Variants in CDH13 observed in about 807,000 individuals in gnomAD.
CDH13 encodes the protein cadherin 13.
Under a neutral mutation model 63.8 loss-of-function variants are expected in CDH13, and 24 were observed. The ratio of observed to expected loss-of-function variants is 0.38; its 90% confidence interval spans 0.27 to 0.53. CDH13 has a LOEUF of 0.53. Among genes scored for constraint, CDH13 ranks in the 20% least tolerant of loss-of-function variants. The pLI is 0.85. For synonymous variants in CDH13, 503 were observed against 355.3 expected, an observed-to-expected ratio of 1.42 and a Z score of -4.67; for missense variants, 1,049 against 903.1, an observed-to-expected ratio of 1.16 and a Z score of -2.07.
chr16:83,035,085 C>CA (rs1328131857), intron 3 of CDH13, among the ~76,000 whole-genome samples: 1 of 138,016 alleles, frequency 7.2e-6, no homozygotes, highest in Non-Finnish European at 1.5e-5. Flanking sequence ...AAAAACGCCT[C>CA]AAAAAAGGAA....
chr16:83,651,330 A>T (rs578054982), intron 8 of CDH13, among the ~76,000 whole-genome samples: 7 of 152,228 alleles, frequency 4.6e-5, no homozygotes, highest in Non-Finnish European at 7.4e-5. Flanking sequence ...TATGTATTTT[A>T]TTTATCCATT....
chr16:82,715,604 T>G (rs2032308509), intron 1 of CDH13, among the ~76,000 whole-genome samples: 1 of 152,106 alleles, frequency 6.6e-6, no homozygotes, highest in African/African-American at 2.4e-5. Context: ...CAAACAGGAA[T>G]TTCTATATTT....
At chr16:82,994,009 C>T (rs1000573324) in intron 2 of CDH13, among the ~76,000 whole-genome samples, 2 of 152,108 alleles carry the variant, frequency 1.3e-5, no homozygotes, top group South Asian at 2.1e-4. Context: ...TTTTCAGGAA[C>T]GGAAATGTCT....
At chr16:83,543,964 A>C (rs2075338430) in intron 7 of CDH13, among the ~76,000 whole-genome samples, 1 of 152,222 alleles carries the variant, frequency 6.6e-6, no homozygotes, top group African/African-American at 2.4e-5. Flanking sequence ...CAGGAGTGCC[A>C]GGGAGAACAC....
At position 83,779,993 on chromosome 16, in the gene CDH13, G is replaced by A. The variant is rs759328015; in HGVS notation, c.1707G>A (p.Gly569=). The change falls in exon 12 of 14, where the codon GGG becomes GGA. Residue 569 remains glycine, a synonymous_variant. Transcript: ENST00000567109. ...GCAACCCTCCCGCTACGGGCACTGG[G>A]ACTTTGCTGATAACCCTGGAGGACG... ...DSGNPPATGT[G]TLLITLEDVN... is the part of the protein sequence containing the mutation. The A allele has an allele frequency of 7.4e-6, 12 of 1,612,296 alleles. No homozygotes were observed. Among genetic ancestry groups the A allele is most frequent in the Non-Finnish European group, 9.3e-6 (11 of 1,178,428 alleles).
In CDH13 at chr16:83,361,960, A is replaced by C. The variant is rs376709963; in HGVS notation, c.781+16954A>C. On this transcript the variant is annotated intron_variant, in intron 6 of 13. Transcript: ENST00000567109. ...TAATAGTTTTTCTAATTCTATCAAA[A>C]ATGATCTTGGTAGTTTGATAGGAAT... Among the ~76,000 whole-genome samples the C allele has an allele frequency of 1.1e-4, 16 of 152,276 alleles. No individual in the cohort carries two copies. The South Asian group carries it at 2.3e-3, about 22-fold the overall frequency.
At chr16:82,850,772 A>C (rs565860116) in intron 1 of CDH13, among the ~76,000 whole-genome samples, 2 of 152,344 alleles carry the variant, frequency 1.3e-5, no homozygotes, top group African/African-American at 4.8e-5. Flanking sequence ...AGCAGCCACC[A>C]AAATGGAGGC....
At position 82,959,799 on chromosome 16, in the gene CDH13, C is replaced by G. The variant is rs571308074; in HGVS notation, c.158-72211C>G. ...CCACACGGTTGTTGTTGTTTTTAAC[C>G]CTCTACCTGCTGAAAGACATCTGGT... On this transcript the variant is annotated intron_variant, in intron 2 of 13. Transcript: ENST00000567109. Among the ~76,000 whole-genome samples the G allele has an allele frequency of 9.5e-4, 144 of 152,198 alleles. 1 individual carries two copies. The highest frequency in any genetic ancestry group is 3.4e-3 in the African/African-American group (140 of 41,516).
intron 4 of CDH13, among the ~76,000 whole-genome samples, chr16:83,125,857 A>G (rs1405108590): frequency 6.6e-6 from 1 of 152,158 alleles, no homozygotes; most frequent in African/African-American, 2.4e-5. Flanking sequence ...TGTGGCCTTC[A>G]CTGAGATCCT....
chr16:82,856,282 G>A (rs1422369875), intron 1 of CDH13, among the ~76,000 whole-genome samples: 3 of 151,384 alleles, frequency 2.0e-5, no homozygotes, highest in African/African-American at 4.9e-5. Context: ...AGGCTGAGGC[G>A]GGAGAATGGC....
chr16:83,532,692 C>T (rs1373840542), intron 7 of CDH13, among the ~76,000 whole-genome samples: 1 of 152,196 alleles, frequency 6.6e-6, no homozygotes. Flanking sequence ...ATGCCTGGTG[C>T]CTTGTAAGTT....
At chr16:83,056,817 G>C (rs1368344910) in intron 3 of CDH13, among the ~76,000 whole-genome samples, 2 of 151,516 alleles carry the variant, frequency 1.3e-5, no homozygotes, top group Non-Finnish European at 2.9e-5. Context: ...GAGATTTGAT[G>C]GTTTTATAGA....
At chr16:83,632,268 ACG>A (rs1910842628) in intron 8 of CDH13, among the ~76,000 whole-genome samples, 8 of 22,204 alleles carry the variant, frequency 3.6e-4, no homozygotes, top group Admixed American at 3.5e-3. Flanking sequence ...CACTGTAGAG[ACG>A]TGTCCTACAG....
chr16:83,560,195 G>C (rs1465311329), intron 7 of CDH13, among the ~76,000 whole-genome samples: 1 of 152,198 alleles, frequency 6.6e-6, no homozygotes, highest in Non-Finnish European at 1.5e-5. Context: ...CTCTCACAGA[G>C]TTTGGAATAT....
intron 10 of CDH13, among the ~76,000 whole-genome samples, chr16:83,716,344 G>A (rs1435449011): frequency 1.3e-5 from 2 of 152,298 alleles, no homozygotes; most frequent in East Asian, 3.9e-4. Flanking sequence ...TTGGGCAAAT[G>A]TATAACAGCA....
intron 6 of CDH13, among the ~76,000 whole-genome samples, chr16:83,444,798 G>A (rs1015110985): frequency 2.9e-3 from 1 of 344 alleles, no homozygotes; most frequent in Non-Finnish European, 0.023. Context: ...TGTTCGAAAT[G>A]AAAATATTCT....
intron 6 of CDH13, among the ~76,000 whole-genome samples, chr16:83,476,443 T>G (rs1285538016): frequency 6.6e-6 from 1 of 152,174 alleles, no homozygotes; most frequent in Non-Finnish European, 1.5e-5. Flanking sequence ...GAGGCCAAGG[T>G]GGGCAGATCA....
chr16:82,774,118 T>A (rs2035384164), intron 1 of CDH13, among the ~76,000 whole-genome samples: 1 of 148,692 alleles, frequency 6.7e-6, no homozygotes, highest in Admixed American at 6.7e-5. Flanking sequence ...TACTCATCAT[T>A]GGAATTCTCT....
chr16:82,884,372 G>A (rs949449063), intron 2 of CDH13: 1 of 354,116 alleles, frequency 2.8e-6, no homozygotes, highest in East Asian at 7.3e-5. Flanking sequence ...CTAACCAGGA[G>A]AGCTGACAAG....
Sources: allele counts gnomAD v4.1 joint callset (sites outside exome capture counted in the v4.1 genomes callset), GRCh38; gene constraint gnomAD v4.1.1; transcripts MANE v1.5; gene names NCBI Gene and HGNC (gene_info 2026-07-23, HGNC 2026-07-21).